CORIN: variants seen among roughly 807,000 people sequenced by gnomAD.
CORIN encodes the protein atrial natriuretic peptide-converting enzyme.
In CORIN, 117 loss-of-function variants were observed where a neutral mutation model predicts 125.3. The ratio of observed to expected loss-of-function variants is 0.93; its 90% CI spans 0.80 to 1.09. The LOEUF (loss-of-function observed/expected upper bound fraction) is 1.09, where lower values mean the gene tolerates loss of function less well. Among genes scored for constraint, CORIN ranks in the 50% least tolerant of loss-of-function variants. The probability of loss-of-function intolerance (pLI) is 0.00; values close to 1 mark genes in which losing one functional copy is unlikely to be tolerated. For missense variants in CORIN, 1,253 were observed against 1,306.7 expected, an observed-to-expected ratio of 0.96 and a Z score of 0.63; for synonymous variants, 450 against 466.4, an observed-to-expected ratio of 0.96 and a Z score of 0.45.
In CORIN at chr4:47,807,040, C is replaced by A; in HGVS notation, c.71G>T (p.Arg24Ile). 7 of 1,605,826 alleles carry A rather than the reference C, an allele frequency of 4.4e-6. No individual in the cohort carries two copies. Among genetic ancestry groups the A allele is most frequent in the Non-Finnish European group, 5.9e-6 (7 of 1,177,918 alleles). ...RRAGSPKPVLRADDNNMGNGC... is the reference protein window; with the variant it reads ...RRAGSPKPVLIADDNNMGNGC... ...ATTGCCCATGTTATTGTCATCAGCT[C>A]TCAAGACCTAAAGTAAAAGAGGAAA... Residue 24 changes from arginine (R) to isoleucine (I), a missense_variant, in exon 2 of 22, where the codon AGA becomes ATA. Coordinates refer to ENST00000273857, the MANE Select transcript of CORIN (RefSeq NM_006587.4).
At chr4:47,783,758 G>A (rs1192608431) in intron 3 of CORIN, among the ~76,000 whole-genome samples, 1 of 151,954 alleles carries the variant, frequency 6.6e-6, no homozygotes, top group Non-Finnish European at 1.5e-5. Flanking sequence ...ATAGAAGTGT[G>A]ATCAGGCACT....
At chr4:47,822,768 G>A (rs952831394) in intron 1 of CORIN, among the ~76,000 whole-genome samples, 2 of 152,064 alleles carry the variant, frequency 1.3e-5, no homozygotes, top group Non-Finnish European at 2.9e-5. Context: ...TTATTTTGTG[G>A]AGAGGTACTT....
At chr4:47,702,208 A>C (rs966764911) in intron 5 of CORIN, among the ~76,000 whole-genome samples, 4 of 152,152 alleles carry the variant, frequency 2.6e-5, no homozygotes, top group Non-Finnish European at 5.9e-5. Flanking sequence ...GCATTTATTC[A>C]CTATGAATCA....
At chr4:47,789,890 C>T (rs1219452084) in intron 2 of CORIN, among the ~76,000 whole-genome samples, 4 of 151,996 alleles carry the variant, frequency 2.6e-5, no homozygotes, top group Non-Finnish European at 4.4e-5. Flanking sequence ...GGTGTGGTGG[C>T]GGGCGCCTGT....
chr4:47,726,671 A>G (rs1727611252), intron 5 of CORIN, among the ~76,000 whole-genome samples: 1 of 152,088 alleles, frequency 6.6e-6, no homozygotes, highest in African/African-American at 2.4e-5. Flanking sequence ...ATATACACAC[A>G]CATACAGTGA....
chr4:47,794,748 T>C (rs1731218717), intron 2 of CORIN, among the ~76,000 whole-genome samples: 1 of 152,112 alleles, frequency 6.6e-6, no homozygotes, highest in African/African-American at 2.4e-5. Flanking sequence ...TGCCACATAC[T>C]CAGCTGTAAC....
At chr4:47,789,493 T>C (rs772246563) in intron 2 of CORIN, among the ~76,000 whole-genome samples, 29 of 152,128 alleles carry the variant, frequency 1.9e-4, no homozygotes, top group Non-Finnish European at 4.0e-4. Flanking sequence ...AGAAAGATAA[T>C]ATTTGAGAGG....
At chr4:47,619,000 G>C (rs545329763) in intron 19 of CORIN, among the ~76,000 whole-genome samples, 1 of 152,224 alleles carries the variant, frequency 6.6e-6, no homozygotes, top group East Asian at 1.9e-4. Context: ...TGGGAGGACA[G>C]TTTTTCACGT....
Position 47,777,105 on chromosome 4 carries a change from G to A in CORIN, c.409+9620C>T, listed in dbSNP as rs149864153. The stretch of plus-strand genomic sequence containing the variant: ...TTGCAAGGCAGTTAGTAGACAACTG[G>A]CTGCTTGGGGACAGGACTTCTGTCT... On this transcript the variant is annotated intron_variant, in intron 3 of 21. Coordinates refer to ENST00000273857, the MANE Select transcript of CORIN (RefSeq NM_006587.4). Among the ~76,000 whole-genome samples the A allele has an allele frequency of 1.8e-3, 279 of 152,272 alleles. 2 individuals carry two copies. The highest frequency in any genetic ancestry group is 6.1e-3 in the African/African-American group (252 of 41,550).
At chr4:47,660,738 T>C (rs1724207188) in intron 12 of CORIN, among the ~76,000 whole-genome samples, 1 of 152,138 alleles carries the variant, frequency 6.6e-6, no homozygotes, top group Non-Finnish European at 1.5e-5. Flanking sequence ...AGAATGCAAA[T>C]TGGTACAACC....
rs545161352 is a variant in CORIN at position 47,793,303 on chromosome 4, C to T, written c.209-6378G>A. 5.3e-5 allele frequency among the ~76,000 whole-genome samples: 8 copies of T among 152,014 alleles called. No individual in the cohort carries two copies. The South Asian group carries it at 1.2e-3, about 24-fold the overall frequency. On this transcript the variant is annotated intron_variant, in intron 2 of 21. Transcript: ENST00000273857. ...ACCAGTGTAGGGCTCCATAAATATT[C>T]GTTGAACGTATGAATGATGAATGGA...
At chr4:47,735,925 C>T (rs1351815569) in intron 5 of CORIN, among the ~76,000 whole-genome samples, 9 of 124,948 alleles carry the variant, frequency 7.2e-5, no homozygotes, top group South Asian at 2.5e-4. Flanking sequence ...CCAGCCTGGG[C>T]GACAGAGACT....
rs192081737 is a variant in CORIN at position 47,746,362 on chromosome 4, T to C, written c.618-1779A>G. 4.6e-3 allele frequency among the ~76,000 whole-genome samples: 705 copies of C among 152,206 alleles called. 5 individuals carry two copies. The highest frequency in any genetic ancestry group is 0.015 in the African/African-American group (618 of 41,532). On this transcript the variant is annotated intron_variant, in intron 4 of 21. Coordinates refer to ENST00000273857, the MANE Select transcript of CORIN (RefSeq NM_006587.4). ...AATAGGTGTTATTACTAATCCCCAA[T>C]ATACAAATAAGGAAAGAAGCACAGA... is the stretch of plus-strand genomic sequence containing the variant.
At chr4:47,714,508 A>T (rs1560516815) in intron 5 of CORIN, among the ~76,000 whole-genome samples, 1 of 152,228 alleles carries the variant, frequency 6.6e-6, no homozygotes, top group South Asian at 2.1e-4. Context: ...TAGAAACTAG[A>T]GGTAGAACTG....
In CORIN at chr4:47,807,039, T is replaced by C; in HGVS notation, c.72A>G (p.Arg24=). The change falls in exon 2 of 22, where the codon AGA becomes AGG. Residue 24 remains arginine, a synonymous_variant. Coordinates refer to ENST00000273857, the MANE Select transcript of CORIN (RefSeq NM_006587.4). ...CATTGCCCATGTTATTGTCATCAGC[T>C]CTCAAGACCTAAAGTAAAAGAGGAA... ...RRAGSPKPVL[R]ADDNNMGNGC... 1 of 1,605,870 alleles carries C rather than the reference T, an allele frequency of 6.2e-7. No homozygotes were observed. The highest frequency in any genetic ancestry group is 8.5e-7 in the Non-Finnish European group (1 of 1,177,912).
chr4:47,677,783 T>C (rs1725093441), intron 9 of CORIN, among the ~76,000 whole-genome samples, 155 bp downstream of exon 9: 1 of 152,176 alleles, frequency 6.6e-6, no homozygotes, highest in South Asian at 2.1e-4. Context: ...CAAGAAAGTG[T>C]TTCCTGGCTG....
At chr4:47,836,725 G>C (rs181195384) in intron 1 of CORIN, among the ~76,000 whole-genome samples, 14 of 152,292 alleles carry the variant, frequency 9.2e-5, no homozygotes, top group African/African-American at 2.9e-4. Flanking sequence ...CCCAGGGCTC[G>C]GTCCCAGGAA....
chr4:47,743,281 G>A (rs935034794), intron 5 of CORIN, among the ~76,000 whole-genome samples: 4 of 151,958 alleles, frequency 2.6e-5, no homozygotes, highest in African/African-American at 9.7e-5. Context: ...GCTAATAAGA[G>A]TAGAAAGGCA....
chr4:47,629,506 A>T (rs539765613), intron 16 of CORIN, among the ~76,000 whole-genome samples: 1 of 152,294 alleles, frequency 6.6e-6, no homozygotes, highest in South Asian at 2.1e-4. Context: ...TTGTACACAG[A>T]AAAATATATC....
Sources: gnomAD v4.1 joint callset for allele counts (sites outside exome capture counted in the v4.1 genomes callset) on GRCh38, gnomAD v4.1.1 for gene constraint, MANE v1.5 for transcripts, NCBI Gene and HGNC (gene_info 2026-07-23, HGNC 2026-07-21) for gene names.